Variants in NIBAN1 observed in about 807,000 individuals in gnomAD.
NIBAN1 encodes the protein niban apoptosis regulator 1.
Under a neutral mutation model 75.1 loss-of-function variants are expected in NIBAN1, and 81 were observed. That is an observed-to-expected ratio of 1.08 (90% CI 0.90 to 1.30). The LOEUF is 1.30. Among genes scored for constraint, NIBAN1 ranks in the 50% most tolerant of loss-of-function variants. NIBAN1 has a pLI of 0.00. For missense variants in NIBAN1, 1,133 were observed against 1,128.1 expected (o/e 1.00, Z -0.06); for synonymous variants, 436 against 424.8 (o/e 1.03, Z -0.32).
At chr1:184,870,868 G>GT (rs1444383203) in intron 5 of NIBAN1, among the ~76,000 whole-genome samples, 1 of 152,086 alleles carries the variant, frequency 6.6e-6, no homozygotes, top group Non-Finnish European at 1.5e-5. Flanking sequence ...TGGCAACAAC[G>GT]TAAGACCTGT....
At chr1:184,851,917 A>G (rs1344887127) in intron 5 of NIBAN1, among the ~76,000 whole-genome samples, 1 of 151,494 alleles carries the variant, frequency 6.6e-6, no homozygotes, top group Admixed American at 6.6e-5. Context: ...GGTCCTGGGC[A>G]GTTTGCCTCT....
chr1:184,818,095 T>C (rs1015827599), intron 9 of NIBAN1, among the ~76,000 whole-genome samples: 4 of 152,362 alleles, frequency 2.6e-5, no homozygotes, highest in Admixed American at 6.5e-5. Context: ...AAATGGTTTG[T>C]TGCTCAATTA....
intron 5 of NIBAN1, among the ~76,000 whole-genome samples, chr1:184,880,258 C>T (rs910476310): frequency 1.3e-5 from 2 of 152,240 alleles, no homozygotes; most frequent in African/African-American, 4.8e-5. Context: ...CACTCTGGTG[C>T]AAGCTACTGC....
intron 12 of NIBAN1, 72 bp downstream of exon 12, chr1:184,803,513 A>T (rs1654102943): frequency 1.7e-6 from 2 of 1,187,250 alleles, no homozygotes; most frequent in Admixed American, 1.8e-5. Flanking sequence ...TTGCCAGTAC[A>T]CATCACAAAA....
Position 184,876,176 on chromosome 1 carries a change from GA to G in NIBAN1, c.601+8456del, listed in dbSNP as rs1218039435. Among the ~76,000 whole-genome samples, 642 of 102,424 alleles carry G rather than the reference GA, an allele frequency of 6.3e-3. 5 individuals are homozygous for G. Among genetic ancestry groups the G allele is most frequent in the African/African-American group, 0.02 (552 of 27,652 alleles). 67.2% of individuals were successfully genotyped at this position (102,424 alleles called of 152,430 possible). ...TAATAAGAGTGAAACTTCGTCTCCA[GA>G]AAAAAAAAAAAAGAAAAGAGGAAGT... On this transcript the variant is annotated intron_variant, in intron 5 of 13. Transcript: ENST00000367511.
At chr1:184,841,543 CT>C (rs1655287118) in intron 5 of NIBAN1, among the ~76,000 whole-genome samples, 2 of 152,172 alleles carry the variant, frequency 1.3e-5, no homozygotes, top group Non-Finnish European at 2.9e-5. Context: ...AATGAGGAAT[CT>C]CACAGCCTTG....
chr1:184,861,042 C>G (rs984138603), intron 5 of NIBAN1, among the ~76,000 whole-genome samples: 1 of 152,218 alleles, frequency 6.6e-6, no homozygotes, highest in African/African-American at 2.4e-5. Context: ...CAGGGGTCAG[C>G]AAACTTTTTC....
At chr1:184,900,762 C>T (rs1267065083) in intron 1 of NIBAN1, among the ~76,000 whole-genome samples, 1 of 152,112 alleles carries the variant, frequency 6.6e-6, no homozygotes, top group Non-Finnish European at 1.5e-5. Flanking sequence ...CTACTTGCTG[C>T]AGGGTACAGA....
intron 8 of NIBAN1, among the ~76,000 whole-genome samples, chr1:184,822,082 G>A (rs193041812): frequency 2.4e-4 from 36 of 152,238 alleles, no homozygotes; most frequent in African/African-American, 2.4e-5. Flanking sequence ...CCATTGTCTC[G>A]CTTGGAAAGC....
At chr1:184,898,099 G>A (rs1256127097) in intron 2 of NIBAN1, among the ~76,000 whole-genome samples, 2 of 152,136 alleles carry the variant, frequency 1.3e-5, no homozygotes, top group African/African-American at 4.8e-5. Context: ...GACATGATGT[G>A]CTCCCGATCT....
intron 5 of NIBAN1, among the ~76,000 whole-genome samples, chr1:184,869,743 T>C (rs554043674): frequency 1.3e-5 from 2 of 152,226 alleles, no homozygotes; most frequent in South Asian, 2.1e-4. Context: ...GTTTTCACCA[T>C]GTTGGCCAGG....
chr1:184,946,807 TC>T (rs1658236035), intron 1 of NIBAN1, among the ~76,000 whole-genome samples: 1 of 152,262 alleles, frequency 6.6e-6, no homozygotes, highest in South Asian at 2.1e-4. Flanking sequence ...AGTACATGGT[TC>T]AAAACAAAGA....
chr1:184,907,101 A>G (rs1657125494), intron 1 of NIBAN1, among the ~76,000 whole-genome samples: 1 of 152,244 alleles, frequency 6.6e-6, no homozygotes, highest in Non-Finnish European at 1.5e-5. Context: ...AAAGATACAA[A>G]AATCCAAACA....
rs71634115 is a variant in NIBAN1, at chr1:184,827,804, G to C, written c.717+4043C>G. 2.6e-5 allele frequency among the ~76,000 whole-genome samples: 4 copies of C among 151,838 alleles called. No homozygotes were observed. In the East Asian group the frequency reaches 7.8e-4, roughly 29 times the overall value. ...CACCCTCCTTCCTGAAGCAGGCCCC[G>C]CAGTCTCACCAGGCTGCTGGTCCAG... is the stretch of plus-strand genomic sequence containing the variant. On this transcript the variant is annotated intron_variant, in intron 6 of 13. Coordinates refer to ENST00000367511, the MANE Select transcript of NIBAN1 (RefSeq NM_052966.4).
intron 5 of NIBAN1, among the ~76,000 whole-genome samples, chr1:184,872,218 A>G (rs1452620304): frequency 2.0e-5 from 3 of 152,156 alleles, no homozygotes; most frequent in Non-Finnish European, 4.4e-5. Context: ...ATTATTTTAA[A>G]TGACCAGATT....
chr1:184,971,594 A>G (rs1186925908), intron 1 of NIBAN1, among the ~76,000 whole-genome samples: 1 of 152,034 alleles, frequency 6.6e-6, no homozygotes, highest in African/African-American at 2.4e-5. Flanking sequence ...CACTTGGACC[A>G]GGGAGTCAGA....
At chr1:184,939,160 A>G (rs1403457557) in intron 1 of NIBAN1, among the ~76,000 whole-genome samples, 1 of 152,250 alleles carries the variant, frequency 6.6e-6, no homozygotes, top group Non-Finnish European at 1.5e-5. Context: ...ATTATAAAGA[A>G]CACAGTTTGG....
At chr1:184,833,198 A>G (rs78851626) in intron 5 of NIBAN1, among the ~76,000 whole-genome samples, 3,215 of 151,324 alleles carry the variant, frequency 0.021, 78 homozygotes, top group East Asian at 0.073. Flanking sequence ...GATATGGGGA[A>G]CTAAGCAGAA....
At position 184,884,931 on chromosome 1, in the gene NIBAN1, G is replaced by C. The variant is rs962780465; in HGVS notation, c.434-131C>G. 6.0e-6 allele frequency: 7 copies of C among 1,164,056 alleles called. No homozygotes were observed. The African/African-American group carries it at 9.3e-5, about 15-fold the overall frequency. The allele number at this position is 1,164,056 out of a possible 1,614,324, so 72.1% of individuals were successfully genotyped here. A position where few individuals can be genotyped will look rare whatever the true frequency, so the allele number is the denominator to read the frequency against. The stretch of plus-strand genomic sequence containing the variant: ...GAAAGTTGGTGAGATATTTTCACAG[G>C]ATAGGGAAACTGGGAGCACTGGCTC... On this transcript the variant is annotated intron_variant, in intron 4 of 13. Transcript: ENST00000367511.
Sources: gnomAD v4.1 joint callset for allele counts (sites outside exome capture counted in the v4.1 genomes callset) on GRCh38, gnomAD v4.1.1 for gene constraint, MANE v1.5 for transcripts, NCBI Gene and HGNC (gene_info 2026-07-23, HGNC 2026-07-21) for gene names.